GPC5: variants seen among roughly 807,000 people sequenced by gnomAD.
The protein encoded by GPC5 is glypican 5, also known as glypican-5.
In GPC5, 47 loss-of-function variants were observed where a neutral mutation model predicts 53.9. That is an observed-to-expected ratio of 0.87 (90% CI 0.69 to 1.11). The LOEUF (loss-of-function observed/expected upper bound fraction) is 1.11. GPC5 is among the 50% of genes most tolerant of loss of function. The probability of loss-of-function intolerance (pLI) is 0.00; values close to 1 mark genes in which losing one functional copy is unlikely to be tolerated. For missense variants in GPC5, 748 were observed against 713.1 expected (o/e 1.05, Z -0.56); for synonymous variants, 286 against 263.3 (o/e 1.09, Z -0.84).
chr13:91,410,793 T>C (rs1318820356), intron 1 of GPC5, among the ~76,000 whole-genome samples: 1 of 152,208 alleles, frequency 6.6e-6, no homozygotes, highest in African/African-American at 2.4e-5. Context: ...TTCATTCATA[T>C]GGTAAAATCA....
intron 2 of GPC5, among the ~76,000 whole-genome samples, chr13:91,605,753 T>C: frequency 8.3e-5 from 1 of 12,088 alleles, no homozygotes; most frequent in African/African-American, 1.8e-4. Context: ...TGGCTCTCTG[T>C]TTGTCTGTTG....
intron 2 of GPC5, among the ~76,000 whole-genome samples, chr13:91,688,534 GGTGA>G (rs1341887117): frequency 2.8e-4 from 42 of 152,028 alleles, no homozygotes; most frequent in African/African-American, 9.2e-4. Flanking sequence ...TTAATAGCAT[GGTGA>G]AAAACTAATG....
chr13:92,328,993 G>T (rs1225678009), intron 7 of GPC5, among the ~76,000 whole-genome samples: 1 of 152,048 alleles, frequency 6.6e-6, no homozygotes, highest in Admixed American at 6.6e-5. Context: ...CTCTCTTCTA[G>T]GTTCACCCTC....
intron 2 of GPC5, among the ~76,000 whole-genome samples, chr13:91,461,860 C>A (rs1881947214): frequency 6.6e-6 from 1 of 152,022 alleles, no homozygotes; most frequent in Non-Finnish European, 1.5e-5. Flanking sequence ...GATTACTGTG[C>A]CTGATGGGGC....
At chr13:92,508,848 A>G (rs145163899) in intron 7 of GPC5, among the ~76,000 whole-genome samples, 1 of 152,344 alleles carries the variant, frequency 6.6e-6, no homozygotes, top group East Asian at 1.9e-4. Flanking sequence ...AAACAGGAAA[A>G]GTAATTGAAA....
At chr13:92,731,349 G>T (rs918366404) in intron 7 of GPC5, among the ~76,000 whole-genome samples, 1 of 151,406 alleles carries the variant, frequency 6.6e-6, no homozygotes, top group Admixed American at 6.6e-5. Flanking sequence ...CAAAAATACA[G>T]TGGTGACTGT....
intron 7 of GPC5, among the ~76,000 whole-genome samples, chr13:92,463,607 A>T (rs1566601400): frequency 6.6e-6 from 1 of 151,604 alleles, no homozygotes; most frequent in Non-Finnish European, 1.5e-5. Flanking sequence ...TTGGAGGAAG[A>T]TTTTTTTTTA....
intron 2 of GPC5, among the ~76,000 whole-genome samples, chr13:91,617,856 C>G (rs549437471): frequency 6.6e-6 from 1 of 152,232 alleles, no homozygotes; most frequent in South Asian, 2.1e-4. Flanking sequence ...TGCAACTACT[C>G]AGCTCTGCAC....
chr13:92,347,727 T>G (rs1449020573), intron 7 of GPC5, among the ~76,000 whole-genome samples: 2 of 144,466 alleles, frequency 1.4e-5, no homozygotes, highest in Non-Finnish European at 3.0e-5. Flanking sequence ...AAATAAATCG[T>G]CAAGGGACAC....
intron 2 of GPC5, among the ~76,000 whole-genome samples, chr13:91,590,392 G>A (rs56082492): frequency 0.07 from 10,672 of 151,800 alleles, 414 homozygotes; most frequent in Non-Finnish European, 0.087. Flanking sequence ...TAATAATTTA[G>A]CAATCCAACT....
chr13:91,635,425 A>G (rs1210250598), intron 2 of GPC5, among the ~76,000 whole-genome samples: 1 of 152,104 alleles, frequency 6.6e-6, no homozygotes, highest in Non-Finnish European at 1.5e-5. Context: ...ATACCCATGT[A>G]CTACTATGTG....
At chr13:92,600,620 C>T (rs1193662975) in intron 7 of GPC5, among the ~76,000 whole-genome samples, 1 of 151,534 alleles carries the variant, frequency 6.6e-6, no homozygotes, top group Non-Finnish European at 1.5e-5. Context: ...GCCTCAGCCT[C>T]CTGAGTAGCT....
chr13:91,994,694 A>G (rs767429621), intron 6 of GPC5: 22 of 152,206 alleles, frequency 1.4e-4, no homozygotes, highest in Non-Finnish European at 2.8e-4. Flanking sequence ...GCAACAGAAC[A>G]GGGTACTTAG....
At chr13:92,241,314 AAG>A (rs1204036174) in intron 7 of GPC5, 13 of 152,294 alleles carry the variant, frequency 8.5e-5, no homozygotes, top group African/African-American at 3.1e-4. Context: ...AAAGAAATGG[AAG>A]AGACTGGAAC....
intron 6 of GPC5, among the ~76,000 whole-genome samples, chr13:91,960,201 C>A (rs544889541): frequency 6.6e-6 from 1 of 151,310 alleles, no homozygotes; most frequent in Admixed American, 6.6e-5. Context: ...CCAAAATACT[C>A]TTTACAGCTG....
At chr13:92,829,797 CTTCATGA>C (rs1877987779) in intron 7 of GPC5, among the ~76,000 whole-genome samples, 1 of 151,994 alleles carries the variant, frequency 6.6e-6, no homozygotes, top group Non-Finnish European at 1.5e-5. Flanking sequence ...TATTTCATAC[CTTCATGA>C]TTCTTTTAAA....
intron 5 of GPC5, among the ~76,000 whole-genome samples, chr13:91,774,667 C>A (rs1267565667): frequency 6.6e-6 from 1 of 152,148 alleles, no homozygotes; most frequent in Non-Finnish European, 1.5e-5. Context: ...TGCCACCTGA[C>A]CCAAAGTCCA....
intron 7 of GPC5, among the ~76,000 whole-genome samples, chr13:92,670,059 G>T (rs12583849): frequency 0.22 from 33,637 of 151,938 alleles, 4,385 homozygotes; most frequent in South Asian, 0.36. Flanking sequence ...TGCTCACTAC[G>T]GATTTCCAGC....
intron 5 of GPC5, among the ~76,000 whole-genome samples, chr13:91,888,739 T>C (rs765407833): frequency 2.0e-5 from 3 of 152,098 alleles, no homozygotes; most frequent in Non-Finnish European, 4.4e-5. Flanking sequence ...AAATGGCCCG[T>C]TGGTATGATG....
Sources: gnomAD v4.1 joint callset for allele counts (sites outside exome capture counted in the v4.1 genomes callset) on GRCh38, gnomAD v4.1.1 for gene constraint, MANE v1.5 for transcripts, NCBI Gene and HGNC (gene_info 2026-07-23, HGNC 2026-07-21) for gene names.